Variants in LEKR1 observed in about 807,000 individuals in gnomAD.
LEKR1 encodes protein LEKR1.
In LEKR1, 59 loss-of-function variants were observed where a neutral mutation model predicts 72.4. The observed-to-expected ratio is 0.82, with a 90% CI of 0.66 to 1.01. The LOEUF is 1.01. LEKR1 is among the 50% of genes least tolerant of loss of function. The pLI, the probability that LEKR1 is intolerant of heterozygous loss-of-function variation, is 0.00. For missense variants in LEKR1, 728 were observed against 759.2 expected (o/e 0.96, Z 0.48); for synonymous variants, 257 against 263.2 (o/e 0.98, Z 0.23).
At chr3:156,917,554 G>A (rs1227708755) in intron 3 of LEKR1, among the ~76,000 whole-genome samples, 3 of 152,258 alleles carry the variant, frequency 2.0e-5, no homozygotes, top group South Asian at 2.1e-4. Flanking sequence ...AAATGGGAAT[G>A]TCATTGGATT....
intron 3 of LEKR1, among the ~76,000 whole-genome samples, chr3:156,910,660 G>T (rs1478217544): frequency 6.6e-6 from 1 of 152,138 alleles, no homozygotes; most frequent in African/African-American, 2.4e-5. Flanking sequence ...TTGCTGCAAA[G>T]GACATGACTT....
chr3:157,006,930 G>A (rs528517383), intron 9 of LEKR1, among the ~76,000 whole-genome samples: 44 of 152,296 alleles, frequency 2.9e-4, no homozygotes, highest in Middle Eastern at 3.4e-3. Context: ...GGATGGGCAC[G>A]GCGGCTCACG....
chr3:156,908,542 T>C (rs1484490199), intron 3 of LEKR1, among the ~76,000 whole-genome samples: 3 of 152,138 alleles, frequency 2.0e-5, no homozygotes, highest in African/African-American at 2.4e-5. Flanking sequence ...TTTTGGACAT[T>C]AGTAGCTCGC....
chr3:156,955,489 T>C (rs973306122), intron 6 of LEKR1, among the ~76,000 whole-genome samples: 2 of 151,884 alleles, frequency 1.3e-5, no homozygotes, highest in African/African-American at 4.8e-5. Context: ...GTTTGTCATA[T>C]ATGGCTCTTA....
rs1725557529 is a variant in LEKR1 at position 156,934,877 on chromosome 3, CAG to C, written c.559+7274_559+7275del. Among the ~76,000 whole-genome samples the C allele has an allele frequency of 3.3e-5, 5 of 152,044 alleles. No individual in the cohort carries two copies. In the South Asian group the frequency reaches 1.0e-3, roughly 32 times the overall value. On this transcript the variant is annotated intron_variant, in intron 5 of 12. Transcript: ENST00000356539. ...TAGTCATGCCAATTAACTATGTTGA[CAG>C]TATTTTATTATAGGTATGTATCTTA...
intron 7 of LEKR1, among the ~76,000 whole-genome samples, chr3:156,990,184 A>G (rs1731040218): frequency 6.6e-6 from 1 of 152,054 alleles, no homozygotes; most frequent in Admixed American, 6.6e-5. Flanking sequence ...AAAATTCTTC[A>G]TTTTTATTGG....
chr3:156,983,421 C>T (rs1267719124), intron 7 of LEKR1, among the ~76,000 whole-genome samples: 1 of 152,112 alleles, frequency 6.6e-6, no homozygotes, highest in African/African-American at 2.4e-5. Context: ...TACAGTATGG[C>T]CTCTCCCACA....
chr3:156,968,498 T>G (rs1728839418), intron 6 of LEKR1, among the ~76,000 whole-genome samples: 1 of 151,982 alleles, frequency 6.6e-6, no homozygotes, highest in African/African-American at 2.4e-5. Flanking sequence ...AAAACAAACT[T>G]TAAACCAACA....
intron 7 of LEKR1, among the ~76,000 whole-genome samples, chr3:156,980,885 A>G (rs1169840081): frequency 6.6e-6 from 1 of 152,248 alleles, no homozygotes; most frequent in African/African-American, 2.4e-5. Flanking sequence ...GATATTTTAC[A>G]GAATAAGTTG....
At chr3:157,018,220 T>C (rs898325902) in intron 10 of LEKR1, among the ~76,000 whole-genome samples, 6 of 152,112 alleles carry the variant, frequency 3.9e-5, no homozygotes, top group Non-Finnish European at 5.9e-5. Context: ...CAATTCCTTC[T>C]CTCAATAATT....
rs868698470 is a variant in LEKR1 at position 156,920,651 on chromosome 3, C to A, written c.340C>A (p.Gln114Lys). 6.9e-7 allele frequency: 1 copy of A among 1,444,228 alleles called. No homozygotes were observed. Among genetic ancestry groups the A allele is most frequent in the South Asian group, 1.3e-5 (1 of 78,994 alleles). The allele number at this position is 1,444,228 out of a possible 1,614,324, so 89.5% of individuals were successfully genotyped here. The change falls in exon 4 of 13, where the codon CAA becomes AAA. Residue 114 changes from glutamine to lysine, a missense_variant. Physicochemically the swap from Gln to Lys is moderately conservative, Grantham distance 53 (BLOSUM62 1). Transcript: ENST00000356539. ...QKVKKQLSHL[Q>K]DELKIKYRQS... ...AGTAAAGAAACAACTGAGTCATTTG[C>A]AAGATGAGCTAAAAATTAAATATAG...
In LEKR1 at chr3:156,920,426, C is replaced by T. The variant is rs1724084168; in HGVS notation, c.264-149C>T. 4 of 515,664 alleles carry T rather than the reference C, an allele frequency of 7.8e-6. No homozygotes were observed. The South Asian group carries it at 1.1e-4, about 15-fold the overall frequency. The allele number at this position is 515,664 out of a possible 1,614,324, so 31.9% of individuals were successfully genotyped here. On this transcript the variant is annotated intron_variant, in intron 3 of 12. Transcript: ENST00000356539. Reference sequence around the variant, plus strand: ...ATTTGGTGCCCAAGATTTGGTCTCTCCATATTTTTTCTGTACATTCATATA... The same window carrying T: ...ATTTGGTGCCCAAGATTTGGTCTCTTCATATTTTTTCTGTACATTCATATA...
Position 157,028,415 on chromosome 3 carries a change from T to G in LEKR1, c.1668+13T>G, listed in dbSNP as rs1052084094. The G allele has an allele frequency of 6.4e-7, 1 of 1,555,954 alleles. No homozygotes were observed. The highest frequency in any genetic ancestry group is 1.2e-5 in the South Asian group (1 of 81,744). ...GTCCCAGGAAGAGGTAGGAAGCAGA[T>G]AGTGGTAACTTTGCAATTAATCAAA... On this transcript the variant is annotated intron_variant, in intron 12 of 12. Transcript: ENST00000356539.
At chr3:156,977,436 C>T (rs1455283132) in intron 6 of LEKR1, 2 of 502,182 alleles carry the variant, frequency 4.0e-6, no homozygotes, top group Admixed American at 2.2e-5. Context: ...GAAATGTCAC[C>T]CCCCCTTAAT....
chr3:156,955,273 G>A (rs1450408119), intron 6 of LEKR1, among the ~76,000 whole-genome samples: 2 of 151,596 alleles, frequency 1.3e-5, no homozygotes, highest in African/African-American at 4.8e-5. Flanking sequence ...TCTAGGTGTA[G>A]GATCATGTTA....
At position 156,859,334 on chromosome 3, in the gene LEKR1, T is replaced by C. The variant is rs77271578; in HGVS notation, c.263+6352T>C. Among the ~76,000 whole-genome samples the C allele has an allele frequency of 8.0e-3, 1,223 of 152,360 alleles. 8 individuals are homozygous for C. Among genetic ancestry groups the C allele is most frequent in the Non-Finnish European group, 0.012 (816 of 68,032 alleles). On this transcript the variant is annotated intron_variant, in intron 3 of 12. Coordinates refer to ENST00000356539, the MANE Select transcript of LEKR1 (RefSeq NM_001004316.3). ...TTAGATTTTATATGTTTTGCTGATATAGAATATCCTTCTTGACCTTAAATT... is the reference window on the plus strand; with the variant it reads ...TTAGATTTTATATGTTTTGCTGATACAGAATATCCTTCTTGACCTTAAATT...
chr3:156,838,178 G>A (rs916196950), intron 2 of LEKR1, among the ~76,000 whole-genome samples: 5 of 152,114 alleles, frequency 3.3e-5, no homozygotes, highest in African/African-American at 1.2e-4. Context: ...GTTTCAACAG[G>A]TGATCTTTAA....
At chr3:156,996,688 A>C (rs1041798124) in intron 9 of LEKR1, among the ~76,000 whole-genome samples, 6 of 152,202 alleles carry the variant, frequency 3.9e-5, no homozygotes, top group Non-Finnish European at 7.4e-5. Flanking sequence ...ACACCCTGTC[A>C]GTTTCTGTTG....
intron 2 of LEKR1, among the ~76,000 whole-genome samples, chr3:156,841,270 A>T (rs920746759): frequency 1.3e-5 from 2 of 152,248 alleles, no homozygotes; most frequent in African/African-American, 4.8e-5. Flanking sequence ...CTGGTGAGAA[A>T]AGCTGGCCAA....
Sources: gnomAD v4.1 joint callset for allele counts (sites outside exome capture counted in the v4.1 genomes callset) on GRCh38, gnomAD v4.1.1 for gene constraint, MANE v1.5 for transcripts, NCBI Gene and HGNC (gene_info 2026-07-23, HGNC 2026-07-21) for gene names.